Variants in FLACC1 observed in about 807,000 individuals in gnomAD.
FLACC1 encodes the protein flagellum-associated coiled-coil domain-containing protein 1.
In FLACC1, 66 loss-of-function variants were observed where a neutral mutation model predicts 62.8. The ratio of observed to expected loss-of-function variants is 1.05; its 90% CI spans 0.86 to 1.29. The LOEUF (loss-of-function observed/expected upper bound fraction) is 1.29, where lower values mean the gene tolerates loss of function less well. FLACC1 is among the 50% of genes most tolerant of loss of function. The probability of loss-of-function intolerance (pLI) is 0.00; values close to 1 mark genes in which losing one functional copy is unlikely to be tolerated. For missense variants in FLACC1, 452 were observed against 489.1 expected (o/e 0.92, Z 0.71); for synonymous variants, 156 against 161.0 (o/e 0.97, Z 0.24).
chr2:201,293,044 A>G (rs1949774476), intron 12 of FLACC1, among the ~76,000 whole-genome samples: 1 of 152,124 alleles, frequency 6.6e-6, no homozygotes, highest in Non-Finnish European at 1.5e-5. Context: ...GACCTACAAA[A>G]AGACTTAGAC....
rs200570912 is a variant in FLACC1, at chr2:201,289,745, T to C, written c.983A>G (p.Glu328Gly). ...ATAGTAGAGGTTTGTGTTCAGTGAC[T>C]CTAGGATAAGGGCTTGTGCATGCAA... The part of the protein sequence containing the change: ...EELHAQALIL[E>G]SLNTNLYYTQ... The change falls in exon 13 of 15, where the codon GAG becomes GGG. Residue 328 changes from glutamate to glycine, a missense_variant. Around this residue, in one of 3 missense-constraint regions of FLACC1, gnomAD observed 301 missense variants for 318.4 expected, o/e 0.95. Transcript: ENST00000392257. 302 of 1,614,148 alleles carry C rather than the reference T, an allele frequency of 1.9e-4. No homozygotes were observed. The highest frequency in any genetic ancestry group is 1.9e-4 in the Non-Finnish European group (228 of 1,180,012).
intron 9 of FLACC1, among the ~76,000 whole-genome samples, chr2:201,310,778 G>T (rs1486853769): frequency 2.0e-5 from 3 of 151,946 alleles, no homozygotes; most frequent in Non-Finnish European, 4.4e-5. Flanking sequence ...GAGAAGAAAA[G>T]AAATAACTAA....
At chr2:201,352,647 G>A (rs573569705) in intron 1 of FLACC1, among the ~76,000 whole-genome samples, 1 of 152,332 alleles carries the variant, frequency 6.6e-6, no homozygotes, top group Admixed American at 6.5e-5. Context: ...CCCAGAGGGT[G>A]CAGGACTTGG....
intron 4 of FLACC1, among the ~76,000 whole-genome samples, chr2:201,347,651 G>T (rs10454127): frequency 1.3e-4 from 19 of 148,134 alleles, no homozygotes; most frequent in Non-Finnish European, 1.8e-4. Context: ...ACAAAAAAAA[G>T]AAAGAAAAGA....
chr2:201,364,278 G>GA, the FLACC1 span, among the ~76,000 whole-genome samples: 2 of 151,048 alleles, frequency 1.3e-5, no homozygotes, highest in Admixed American at 6.6e-5. Flanking sequence ...GAAAGGGAAA[G>GA]AAAAAAAACC....
chr2:201,356,711 A>G (rs1419956176), intron 1 of FLACC1, among the ~76,000 whole-genome samples: 2 of 152,242 alleles, frequency 1.3e-5, no homozygotes, highest in East Asian at 3.8e-4. Flanking sequence ...GTAACAGGAT[A>G]TCTAGTTGAT....
rs1950906949 is a variant in FLACC1, at chr2:201,346,038, G to A, written c.368+504C>T. On this transcript the variant is annotated intron_variant, in intron 5 of 14. Transcript: ENST00000392257. The surrounding 1 kb of genome is among the most constrained non-coding windows in gnomAD (Gnocchi z 4.0). ...ATATTAGCCGGGCGTCATGGTGCAA[G>A]CCTGTAATCCTAGCTACTCAAGAGG... Among the ~76,000 whole-genome samples, 1 of 152,106 alleles carries A rather than the reference G, an allele frequency of 6.6e-6. No individual in the cohort carries two copies. Among genetic ancestry groups the A allele is most frequent in the Non-Finnish European group, 1.5e-5 (1 of 68,014 alleles).
chr2:201,309,768 G>A (rs914122259), intron 9 of FLACC1, among the ~76,000 whole-genome samples: 1 of 151,508 alleles, frequency 6.6e-6, no homozygotes, highest in Admixed American at 6.6e-5. Flanking sequence ...TTAGCTGGGC[G>A]TGGTGGCACA....
chr2:201,355,715 C>T (rs1340877402), intron 1 of FLACC1, among the ~76,000 whole-genome samples: 2 of 151,868 alleles, frequency 1.3e-5, no homozygotes, highest in South Asian at 4.2e-4. Context: ...TTAAAAATAG[C>T]CTAGTATGGT....
chr2:201,324,712 A>G (rs1035154230), intron 9 of FLACC1, among the ~76,000 whole-genome samples: 4 of 152,234 alleles, frequency 2.6e-5, no homozygotes, highest in African/African-American at 9.6e-5. Context: ...GGAATCCTCA[A>G]AACTATACAG....
chr2:201,353,669 C>A (rs745554817), intron 1 of FLACC1, among the ~76,000 whole-genome samples: 51 of 152,162 alleles, frequency 3.4e-4, no homozygotes, highest in African/African-American at 1.2e-3. Flanking sequence ...CTCACTACAA[C>A]GTCTGCTTCC....
chr2:201,324,285 G>C (rs1446984157), intron 9 of FLACC1, among the ~76,000 whole-genome samples: 2 of 152,056 alleles, frequency 1.3e-5, no homozygotes, highest in Non-Finnish European at 2.9e-5. Flanking sequence ...ATGATAAAAG[G>C]ATCAATCCAA....
chr2:201,342,554 C>T, intron 6 of FLACC1, 123 bp from the exon 7 acceptor site: 1 of 836,412 alleles, frequency 1.2e-6, no homozygotes, highest in Non-Finnish European at 2.0e-6. Flanking sequence ...GGGCACAGCC[C>T]CCTTCCCACC....
At chr2:201,355,558 GAAAA>G (rs555749695) in intron 1 of FLACC1, among the ~76,000 whole-genome samples, 4 of 137,532 alleles carry the variant, frequency 2.9e-5, no homozygotes, top group Non-Finnish European at 4.7e-5. Context: ...TTGCTCTTAA[GAAAA>G]AAAAAAAAGA....
chr2:201,293,234 A>G (rs1341117394), intron 12 of FLACC1, among the ~76,000 whole-genome samples: 1 of 152,226 alleles, frequency 6.6e-6, no homozygotes, highest in Non-Finnish European at 1.5e-5. Context: ...TCTCAGCACC[A>G]CATCGCACAT....
intron 6 of FLACC1, 40 bp from the exon 7 acceptor site, chr2:201,342,471 C>T: frequency 6.2e-7 from 1 of 1,602,176 alleles, no homozygotes. Context: ...GGACTGAGGA[C>T]CCTGTCCCAT....
rs1187028822 is a variant in FLACC1, at chr2:201,299,232, G to T, written c.942+6C>A. The T allele has an allele frequency of 1.2e-6, 2 of 1,613,200 alleles. No individual in the cohort carries two copies. Among genetic ancestry groups the T allele is most frequent in the Admixed American group, 1.7e-5 (1 of 59,988 alleles). Reference sequence around the variant, plus strand: ...CAAGTCCACAGGAAAGGATGAAAAAGCTTACCTCTTTGGTTTTTCTCAGCT... The same window carrying T: ...CAAGTCCACAGGAAAGGATGAAAAATCTTACCTCTTTGGTTTTTCTCAGCT... On this transcript the variant is annotated splice_donor_region_variant and intron_variant, in intron 12 of 14. Coordinates refer to ENST00000392257, the MANE Select transcript of FLACC1 (RefSeq NM_001127391.3).
In FLACC1 at chr2:201,345,669, T is replaced by C. The variant is rs553119652; in HGVS notation, c.368+873A>G. On this transcript the variant is annotated intron_variant, in intron 5 of 14. Coordinates refer to ENST00000392257, the MANE Select transcript of FLACC1 (RefSeq NM_001127391.3). ...AAGATATGAATAAGAGATTAAAGGGTAGAATGAAAAGATGTAGAGATGAAT... is the reference window on the plus strand; with the variant it reads ...AAGATATGAATAAGAGATTAAAGGGCAGAATGAAAAGATGTAGAGATGAAT... Among the ~76,000 whole-genome samples, 43 of 151,642 alleles carry C rather than the reference T, an allele frequency of 2.8e-4. 1 individual carries two copies. The highest frequency in any genetic ancestry group is 9.7e-4 in the African/African-American group (40 of 41,318).
intron 11 of FLACC1, among the ~76,000 whole-genome samples, chr2:201,300,476 C>T (rs2125547793): frequency 6.6e-6 from 1 of 152,312 alleles, no homozygotes; most frequent in East Asian, 1.9e-4. Flanking sequence ...CTGCCTGCCT[C>T]TGTAGATTCC....
Sources: allele counts gnomAD v4.1 joint callset (sites outside exome capture counted in the v4.1 genomes callset), GRCh38; gene constraint gnomAD v4.1.1; regional missense constraint gnomAD v4.1.1; non-coding constraint Gnocchi (gnomAD v3.1); transcripts MANE v1.5; gene names NCBI Gene and HGNC (gene_info 2026-07-23, HGNC 2026-07-21).